Variants in SAXO3 observed in about 807,000 individuals in gnomAD.
SAXO3 encodes CTB-60B18.10.
chr19:49,020,171 C>T, the SAXO3 span: 3 of 536,982 alleles, frequency 5.6e-6, no homozygotes, highest in Admixed American at 3.9e-5. Flanking sequence ...CCCCCCACCC[C>T]AAACTCTGAC....
At chr19:49,019,579 C>T in the SAXO3 span, 9 of 1,246,522 alleles carry the variant, frequency 7.2e-6, no homozygotes, top group East Asian at 1.6e-4. Flanking sequence ...GCCGTGATTC[C>T]TTCTGGCCCC....
At chr19:49,018,059 T>A in the SAXO3 span, 1 of 398,676 alleles carries the variant, frequency 2.5e-6, no homozygotes, top group East Asian at 3.6e-5. Context: ...GGGCTTCCAG[T>A]GCGGGCCGCC....
the SAXO3 span, chr19:49,020,318 G>A: frequency 2.4e-6 from 1 of 420,130 alleles, no homozygotes; most frequent in Admixed American, 4.2e-5. Context: ...GCTTTATTTA[G>A]CCCCTATCTT....
the SAXO3 span, chr19:49,018,203 C>T: frequency 4.0e-6 from 2 of 496,184 alleles, no homozygotes; most frequent in East Asian, 3.5e-5. Context: ...GCGCGGCACG[C>T]GGACCCGCGG....
At chr19:49,018,922 G>A in the SAXO3 span, 1 of 1,534,506 alleles carries the variant, frequency 6.5e-7, no homozygotes, top group Non-Finnish European at 8.7e-7. Context: ...TAGAGCTGGC[G>A]GCGGTCCAGG....
chr19:49,018,742 G>C, the SAXO3 span: 1 of 780,706 alleles, frequency 1.3e-6, no homozygotes, highest in South Asian at 1.7e-5. Context: ...CCTGAACTTT[G>C]GTTCTTGCTG....
chr19:49,019,582 CTGGCCCCGCCCCAGGCTCCCG>C, the SAXO3 span: 1 of 1,249,572 alleles, frequency 8.0e-7, no homozygotes, highest in South Asian at 2.5e-5. Context: ...GTGATTCCTT[CTGGCCCCGCCCCAGGCTCCCG>C]GAGCTCCGCC....
At chr19:49,019,540 C>A in the SAXO3 span, 1 of 1,167,892 alleles carries the variant, frequency 8.6e-7, no homozygotes, top group Middle Eastern at 3.2e-4. Context: ...CTCGCGATCC[C>A]GCCCCAGACC....
the SAXO3 span, chr19:49,020,356 C>A: frequency 2.4e-6 from 1 of 413,486 alleles, no homozygotes; most frequent in South Asian, 9.6e-5. Context: ...GGCAGGGCTG[C>A]AGCGTAGGGT....
chr19:49,018,918 T>C, the SAXO3 span: 2 of 1,534,466 alleles, frequency 1.3e-6, no homozygotes, highest in Non-Finnish European at 1.7e-6. Flanking sequence ...CAGATAGAGC[T>C]GGCGGCGGTC....
chr19:49,018,934 C>A, the SAXO3 span: 1 of 1,534,428 alleles, frequency 6.5e-7, no homozygotes, highest in South Asian at 1.2e-5. Context: ...CGGTCCAGGA[C>A]GCCCCGGTCG....
the SAXO3 span, chr19:49,019,656 A>AC: frequency 4.8e-6 from 6 of 1,248,322 alleles, no homozygotes; most frequent in South Asian, 2.5e-5. Context: ...CCTGGGAAGG[A>AC]CCCCCGCGGT....
chr19:49,019,684 G>C, the SAXO3 span: 1 of 1,230,716 alleles, frequency 8.1e-7, no homozygotes, highest in Non-Finnish European at 1.0e-6. Flanking sequence ...TGCGAGTTGT[G>C]GGGGCTGGGG....
the SAXO3 span, chr19:49,019,302 CTT>C: frequency 1.6e-6 from 2 of 1,218,542 alleles, no homozygotes; most frequent in Non-Finnish European, 2.1e-6. Flanking sequence ...TCCGCTCTGT[CTT>C]AAACCGTCTT....
chr19:49,018,969 A>G, the SAXO3 span: 1 of 1,533,838 alleles, frequency 6.5e-7, no homozygotes, highest in South Asian at 1.2e-5. Flanking sequence ...CCGGCCAGAC[A>G]GCTCGGGGTT....
At chr19:49,020,003 A>G in the SAXO3 span, 93 of 1,493,350 alleles carry the variant, frequency 6.2e-5, no homozygotes, top group African/African-American at 1.1e-3. Context: ...GGTCTTGGGC[A>G]CGTAGGCCGA....
At chr19:49,019,520 C>T in the SAXO3 span, 2 of 1,165,244 alleles carry the variant, frequency 1.7e-6, no homozygotes, top group East Asian at 3.2e-5. Context: ...CCTCCCCCGG[C>T]TCCTCTAACC....
At chr19:49,018,009 C>A in the SAXO3 span, 1 of 398,672 alleles carries the variant, frequency 2.5e-6, no homozygotes, top group Non-Finnish European at 4.4e-6. Context: ...CTGGAGTTCT[C>A]GGTACTGTAG....
chr19:49,018,259 G>T, the SAXO3 span: 1 of 974,732 alleles, frequency 1.0e-6, no homozygotes, highest in Non-Finnish European at 1.3e-6. Context: ...GCCGCTGCGG[G>T]CCGTGGCTCC....
Sources: allele counts gnomAD v4.1 joint callset, GRCh38; gene constraint gnomAD v4.1.1; transcripts MANE v1.5; gene names NCBI Gene and HGNC (gene_info 2026-07-23, HGNC 2026-07-21).